MELK: variants seen among roughly 807,000 people sequenced by gnomAD.
MELK encodes maternal embryonic leucine zipper kinase.
In MELK, 81 loss-of-function variants were observed where a neutral mutation model predicts 85.0. That is an observed-to-expected ratio of 0.95 (90% CI 0.80 to 1.15). The LOEUF (loss-of-function observed/expected upper bound fraction) is 1.15. Among genes scored for constraint, MELK ranks in the 50% most tolerant of loss-of-function variants. The probability of loss-of-function intolerance (pLI) is 0.00; values close to 1 mark genes in which losing one functional copy is unlikely to be tolerated. For missense variants in MELK, 754 were observed against 777.5 expected, an observed-to-expected ratio of 0.97 and a Z score of 0.36; for synonymous variants, 252 against 265.0, an observed-to-expected ratio of 0.95 and a Z score of 0.48.
chr9:36,648,972 A>G (rs1830456132), intron 11 of MELK, among the ~76,000 whole-genome samples: 1 of 151,642 alleles, frequency 6.6e-6, no homozygotes, highest in African/African-American at 2.4e-5. Flanking sequence ...AGATACTGAG[A>G]AAAAAAAACC....
intron 1 of MELK, among the ~76,000 whole-genome samples, chr9:36,577,143 G>A (rs937716373): frequency 5.3e-5 from 8 of 152,096 alleles, no homozygotes; most frequent in African/African-American, 1.9e-4. Context: ...ACTCAGTTCT[G>A]GATAAGGGCA....
chr9:36,592,552 G>A (rs933820948), intron 4 of MELK, among the ~76,000 whole-genome samples: 1 of 151,946 alleles, frequency 6.6e-6, no homozygotes, highest in South Asian at 2.1e-4. Flanking sequence ...TATTTTATAC[G>A]TATGTGTATT....
intron 7 of MELK, among the ~76,000 whole-genome samples, chr9:36,600,544 T>G (rs924974185): frequency 6.6e-6 from 1 of 152,138 alleles, no homozygotes; most frequent in African/African-American, 2.4e-5. Context: ...CCACCACGCC[T>G]GGCTACTTTT....
chr9:36,654,162 AGGTGCAAGTAACACATCT>A (rs2137344547), intron 12 of MELK, among the ~76,000 whole-genome samples: 1 of 152,238 alleles, frequency 6.6e-6, no homozygotes, highest in East Asian at 1.9e-4. Flanking sequence ...TTAAACTTTC[AGGTGCAAGTAACACATCT>A]GGGTCCAGGA....
chr9:36,618,020 T>G (rs942234758), intron 8 of MELK, among the ~76,000 whole-genome samples: 6 of 151,896 alleles, frequency 4.0e-5, no homozygotes, highest in Non-Finnish European at 8.8e-5. Flanking sequence ...TCCTAGCTAC[T>G]CAGGAGACTG....
intron 7 of MELK, among the ~76,000 whole-genome samples, chr9:36,607,352 A>C (rs1001150133): frequency 6.6e-6 from 1 of 152,186 alleles, no homozygotes; most frequent in Non-Finnish European, 1.5e-5. Context: ...TTAAATTGGA[A>C]GTCAGGAGGT....
chr9:36,662,336 T>C (rs927437219), intron 13 of MELK, among the ~76,000 whole-genome samples: 46 of 151,868 alleles, frequency 3.0e-4, no homozygotes, highest in African/African-American at 1.0e-3. Flanking sequence ...CTCTTCCTCC[T>C]GGGTTCAAGT....
At position 36,671,105 on chromosome 9, in the gene MELK, T is replaced by A. The variant is rs748880215; in HGVS notation, c.1613T>A (p.Ile538Asn). Residue 538 changes from isoleucine to asparagine, a missense_variant, in exon 16 of 18, where the codon ATC becomes AAC. Coordinates refer to ENST00000298048, the MANE Select transcript of MELK (RefSeq NM_014791.4). ...GSLERGLDKV[I>N]TVLTRSKRKG... ...CTTGAAAGGGGGTTGGATAAGGTTATCACTGTGCTCACCAGGAGCAAAAGG... is the reference window on the plus strand; with the variant it reads ...CTTGAAAGGGGGTTGGATAAGGTTAACACTGTGCTCACCAGGAGCAAAAGG... The A allele has an allele frequency of 2.5e-6, 4 of 1,612,434 alleles. No individual in the cohort carries two copies. The East Asian group carries it at 6.7e-5, about 27-fold the overall frequency.
chr9:36,615,081 C>G (rs866938856), intron 8 of MELK, among the ~76,000 whole-genome samples: 1 of 132,838 alleles, frequency 7.5e-6, no homozygotes, highest in African/African-American at 2.8e-5. Context: ...ACCCCCCCCC[C>G]ACCTCCCTCC....
intron 12 of MELK, among the ~76,000 whole-genome samples, chr9:36,657,030 G>C (rs905609880): frequency 6.6e-6 from 1 of 152,174 alleles, no homozygotes; most frequent in African/African-American, 2.4e-5. Flanking sequence ...GGAGCAACAG[G>C]CTATAACGTA....
chr9:36,650,820 T>G (rs532633885), intron 11 of MELK, among the ~76,000 whole-genome samples: 1 of 152,226 alleles, frequency 6.6e-6, no homozygotes, highest in Non-Finnish European at 1.5e-5. Context: ...CGGTCCAGAG[T>G]GGAGCAGAGG....
At chr9:36,650,058 C>G (rs1256988802) in intron 11 of MELK, among the ~76,000 whole-genome samples, 1 of 151,972 alleles carries the variant, frequency 6.6e-6, no homozygotes, top group Non-Finnish European at 1.5e-5. Context: ...ATTCTCCTGC[C>G]TCAGCTTCCT....
intron 15 of MELK, 55 bp from the exon 16 acceptor site, chr9:36,670,943 C>A: frequency 6.6e-7 from 1 of 1,523,356 alleles, no homozygotes; most frequent in Non-Finnish European, 8.8e-7. Flanking sequence ...CCCTTGTGGA[C>A]CCCACAGGCC....
intron 10 of MELK, among the ~76,000 whole-genome samples, chr9:36,635,358 G>A (rs761526806): frequency 6.6e-5 from 10 of 152,060 alleles, no homozygotes; most frequent in Middle Eastern, 3.4e-3. Flanking sequence ...CCGCCTCCCA[G>A]TTTCAAGCAA....
At chr9:36,651,982 A>G in intron 12 of MELK, 105 bp downstream of exon 12, 1 of 996,512 alleles carries the variant, frequency 1.0e-6, no homozygotes, top group Non-Finnish European at 1.3e-6. Flanking sequence ...CAGAGGCAAG[A>G]TGTTTTATGA....
intron 8 of MELK, among the ~76,000 whole-genome samples, chr9:36,627,524 C>CTTTTT (rs150933274): frequency 7.4e-6 from 1 of 134,508 alleles, no homozygotes; most frequent in African/African-American, 2.8e-5. Context: ...CTCTCTCTCT[C>CTTTTT]TTTTTTTTTT....
At chr9:36,652,197 T>C (rs898832757) in intron 12 of MELK, among the ~76,000 whole-genome samples, 3 of 151,284 alleles carry the variant, frequency 2.0e-5, no homozygotes, top group African/African-American at 7.3e-5. Flanking sequence ...CAGGTGTGCA[T>C]CACCACGCCT....
At chr9:36,666,906 TGATG>T (rs1359338900) in intron 14 of MELK, among the ~76,000 whole-genome samples, 36 of 124,712 alleles carry the variant, frequency 2.9e-4, no homozygotes, top group South Asian at 8.4e-4. Context: ...TGTGTGTGTG[TGATG>T]GTGTGTGTGT....
chr9:36,677,457 T>G lies in MELK; in HGVS notation c.*120T>G. 1.2e-6 allele frequency: 1 copy of G among 833,054 alleles called. No homozygotes were observed. The highest frequency in any genetic ancestry group is 1.7e-6 in the Non-Finnish European group (1 of 577,070). 51.6% of individuals were successfully genotyped at this position (833,054 alleles called of 1,614,324 possible). On this transcript the variant is annotated 3_prime_UTR_variant, in exon 18 of 18. Coordinates refer to ENST00000298048, the MANE Select transcript of MELK (RefSeq NM_014791.4). ...CTACCAACTTGTTTCTAAAGAGCTA[T>G]CTTAAGACCAATATCTCTTTGTTTT...
Sources: gnomAD v4.1 joint callset for allele counts (sites outside exome capture counted in the v4.1 genomes callset) on GRCh38, gnomAD v4.1.1 for gene constraint, MANE v1.5 for transcripts, NCBI Gene and HGNC (gene_info 2026-07-23, HGNC 2026-07-21) for gene names.